The following SCHIP1 variants were observed in gnomAD, a reference collection of about 807,000 sequenced individuals.
SCHIP1 encodes the protein schwannomin interacting protein 1.
A neutral mutation model predicts 29.7 loss-of-function variants in SCHIP1; 8 were observed. That is an observed-to-expected ratio of 0.27 (90% confidence interval 0.16 to 0.49). The LOEUF (loss-of-function observed/expected upper bound fraction) is 0.49, where lower values mean the gene tolerates loss of function less well. Among genes scored for constraint, SCHIP1 ranks in the 20% least tolerant of loss-of-function variants. The probability of loss-of-function intolerance (pLI) is 0.99; values close to 1 mark genes in which losing one functional copy is unlikely to be tolerated. For synonymous variants in SCHIP1, 76 were observed against 94.9 expected, an observed-to-expected ratio of 0.80 and a Z score of 1.16; for missense variants, 193 against 294.6, an observed-to-expected ratio of 0.66 and a Z score of 2.52.
chr3:159,274,080 T>A, the SCHIP1 span: 1 of 983,928 alleles, frequency 1.0e-6, no homozygotes, highest in Non-Finnish European at 1.2e-6. Context: ...GCATAGTTAG[T>A]ATGTGGATAT....
At chr3:159,609,649 C>T in the SCHIP1 span, among the ~76,000 whole-genome samples, 4 of 152,134 alleles carry the variant, frequency 2.6e-5, no homozygotes, top group Non-Finnish European at 5.9e-5. Context: ...AGCCCTGTCC[C>T]TTCCCACTAG....
chr3:159,695,889 C>T, the SCHIP1 span, among the ~76,000 whole-genome samples: 2 of 152,142 alleles, frequency 1.3e-5, no homozygotes, highest in South Asian at 2.1e-4. Flanking sequence ...CTCATCCACT[C>T]CTTCACCAAG....
intron 6 of SCHIP1, among the ~76,000 whole-genome samples, chr3:159,896,351 A>G (rs1281628232): frequency 6.6e-6 from 1 of 152,222 alleles, no homozygotes; most frequent in South Asian, 2.1e-4. Flanking sequence ...CCATGAGAAC[A>G]GAGACCTCAC....
chr3:159,285,193 T>C, the SCHIP1 span, among the ~76,000 whole-genome samples: 1 of 152,160 alleles, frequency 6.6e-6, no homozygotes, highest in African/African-American at 2.4e-5. Flanking sequence ...ATTCTACTGA[T>C]ACTTGAAAAG....
At chr3:159,561,635 G>A in the SCHIP1 span, among the ~76,000 whole-genome samples, 12 of 151,742 alleles carry the variant, frequency 7.9e-5, no homozygotes, top group Admixed American at 6.6e-4. Flanking sequence ...AGTTTTTCTC[G>A]GTGTAAAGAA....
chr3:159,813,808 A>C, the SCHIP1 span, among the ~76,000 whole-genome samples: 7 of 152,328 alleles, frequency 4.6e-5, no homozygotes, highest in Admixed American at 3.3e-4. Context: ...TACAAGAGAA[A>C]TATAAAACTT....
chr3:159,406,375 A>C, the SCHIP1 span, among the ~76,000 whole-genome samples: 1 of 152,214 alleles, frequency 6.6e-6, no homozygotes, highest in Non-Finnish European at 1.5e-5. Context: ...CTAGAATAGT[A>C]TATCTGGCAA....
Position 159,869,590 on chromosome 3 carries a change from A to G in SCHIP1, c.149+3309A>G, listed in dbSNP as rs114968856. ...TTGTTTCTATCTCAGCAGCAAAACT[A>G]TAGTGTTAATTACAATAGCTTCAAA... is the stretch of plus-strand genomic sequence containing the variant. On this transcript the variant is annotated intron_variant, in intron 2 of 6. Coordinates refer to ENST00000445224, the Ensembl canonical transcript of SCHIP1. 6.7e-3 allele frequency among the ~76,000 whole-genome samples: 1,023 copies of G among 152,084 alleles called. 9 individuals carry two copies. Among genetic ancestry groups the G allele is most frequent in the African/African-American group, 0.024 (992 of 41,560 alleles).
chr3:159,711,492 A>G, the SCHIP1 span, among the ~76,000 whole-genome samples: 16 of 152,046 alleles, frequency 1.1e-4, no homozygotes, highest in African/African-American at 3.9e-4. Context: ...AGGTAAAACA[A>G]TGAAGAGAAA....
At chr3:159,830,713 G>A in the SCHIP1 span, among the ~76,000 whole-genome samples, 2 of 152,164 alleles carry the variant, frequency 1.3e-5, no homozygotes, top group Non-Finnish European at 2.9e-5. Context: ...CACATCTATA[G>A]TGTGGGAAAT....
the SCHIP1 span, among the ~76,000 whole-genome samples, chr3:159,519,780 T>A: frequency 6.6e-6 from 1 of 151,798 alleles, no homozygotes; most frequent in Non-Finnish European, 1.5e-5. Flanking sequence ...GCACTAGCTG[T>A]TGGGGGTTAG....
the SCHIP1 span, among the ~76,000 whole-genome samples, chr3:159,362,495 A>C: frequency 2.4e-3 from 359 of 152,322 alleles, 1 homozygote; most frequent in African/African-American, 7.9e-3. Context: ...CAGATCTTTC[A>C]TGTGATACAT....
chr3:159,794,992 T>C, the SCHIP1 span, among the ~76,000 whole-genome samples: 2 of 152,158 alleles, frequency 1.3e-5, no homozygotes, highest in East Asian at 3.9e-4. Flanking sequence ...CTCTGACCTC[T>C]ATCACAGAAG....
chr3:159,328,526 C>T, the SCHIP1 span, among the ~76,000 whole-genome samples: 1 of 143,258 alleles, frequency 7.0e-6, no homozygotes, highest in Admixed American at 7.1e-5. Flanking sequence ...TGATCAGAGT[C>T]TTAAAAGATA....
At chr3:159,492,988 A>G in the SCHIP1 span, among the ~76,000 whole-genome samples, 1 of 152,236 alleles carries the variant, frequency 6.6e-6, no homozygotes, top group Non-Finnish European at 1.5e-5. Context: ...AGAATTTCAT[A>G]TCCAGCCAAA....
At chr3:159,605,427 G>A in the SCHIP1 span, among the ~76,000 whole-genome samples, 3 of 152,128 alleles carry the variant, frequency 2.0e-5, no homozygotes, top group South Asian at 2.1e-4. Context: ...GGCTTAGATC[G>A]TGGACTTTTA....
chr3:159,487,509 T>A, the SCHIP1 span, among the ~76,000 whole-genome samples: 11 of 152,310 alleles, frequency 7.2e-5, no homozygotes, highest in Non-Finnish European at 1.3e-4. Flanking sequence ...GCTGCTTTTT[T>A]CCATGTGAAC....
At chr3:159,814,415 C>T in the SCHIP1 span, among the ~76,000 whole-genome samples, 1 of 152,206 alleles carries the variant, frequency 6.6e-6, no homozygotes, top group Admixed American at 6.5e-5. Context: ...CAGCTTCCTG[C>T]ACCCAGTGCT....
the SCHIP1 span, among the ~76,000 whole-genome samples, chr3:159,314,137 C>T: frequency 6.6e-6 from 1 of 152,164 alleles, no homozygotes; most frequent in African/African-American, 2.4e-5. Flanking sequence ...TCAGTGCTTG[C>T]ATTTTATCTT....
Sources: allele counts gnomAD v4.1 joint callset (sites outside exome capture counted in the v4.1 genomes callset), GRCh38; gene constraint gnomAD v4.1.1; transcripts MANE v1.5; gene names NCBI Gene and HGNC (gene_info 2026-07-23, HGNC 2026-07-21).